The following MYO3B variants were observed in gnomAD, a reference collection of about 807,000 sequenced individuals.
MYO3B encodes myosin IIIB.
Under a neutral mutation model 174.6 loss-of-function variants are expected in MYO3B, and 156 were observed. The observed-to-expected ratio is 0.89, with a 90% confidence interval of 0.78 to 1.02. The LOEUF (loss-of-function observed/expected upper bound fraction) is 1.02, where lower values mean the gene tolerates loss of function less well. Among genes scored for constraint, MYO3B ranks in the 50% least tolerant of loss-of-function variants. MYO3B has a pLI of 0.00. For missense variants in MYO3B, 1,632 were observed against 1,639.4 expected, an observed-to-expected ratio of 1.00 and a Z score of 0.08; for synonymous variants, 563 against 569.1, an observed-to-expected ratio of 0.99 and a Z score of 0.15.
At chr2:170,300,661 T>C (rs556845428) in intron 7 of MYO3B, among the ~76,000 whole-genome samples, 1 of 152,314 alleles carries the variant, frequency 6.6e-6, no homozygotes, top group East Asian at 1.9e-4. Flanking sequence ...TCAAGCATTA[T>C]AGGAAACAAC....
At chr2:170,435,379 T>G (rs541543073) in intron 22 of MYO3B, among the ~76,000 whole-genome samples, 1 of 152,328 alleles carries the variant, frequency 6.6e-6, no homozygotes, top group Non-Finnish European at 1.5e-5. Context: ...AACTGTCAGG[T>G]TGATCCTTTC....
intron 7 of MYO3B, among the ~76,000 whole-genome samples, chr2:170,247,845 A>C (rs911551512): frequency 1.3e-5 from 2 of 152,136 alleles, no homozygotes; most frequent in African/African-American, 4.8e-5. Flanking sequence ...CAACAATCAC[A>C]CTGGTGATTA....
intron 7 of MYO3B, among the ~76,000 whole-genome samples, chr2:170,245,682 G>A (rs2093181746): frequency 6.6e-6 from 1 of 152,200 alleles, no homozygotes; most frequent in Admixed American, 6.5e-5. Flanking sequence ...CTTATGTAAA[G>A]TTTTCTTAAG....
chr2:170,506,442 G>A (rs10190605), intron 28 of MYO3B, among the ~76,000 whole-genome samples: 11,470 of 152,172 alleles, frequency 0.075, 1,153 homozygotes, highest in East Asian at 0.4. Context: ...ATTTGCCTAC[G>A]TGTGCAGGAC....
In MYO3B at chr2:170,519,463, G is replaced by A. The variant is rs192738295; in HGVS notation, c.3498G>A (p.Arg1166=). The change falls in exon 30 of 35, where the codon AGG becomes AGA. Residue 1166 remains arginine, a synonymous_variant. Coordinates refer to ENST00000408978, the MANE Select transcript of MYO3B (RefSeq NM_138995.5). ...TTCTCAGGGGCTCTGTACATCGTAG[G>A]AGCCATTCACAAGCAGAATCCAACA... ...HKVLRGSVHR[R]SHSQAESNNG... The A allele has an allele frequency of 2.3e-4, 364 of 1,613,752 alleles. No individual in the cohort carries two copies. In the African/African-American group the frequency reaches 4.2e-3, roughly 19 times the overall value.
intron 25 of MYO3B, among the ~76,000 whole-genome samples, chr2:170,496,041 G>C (rs1343595785): frequency 6.6e-6 from 1 of 152,172 alleles, no homozygotes; most frequent in East Asian, 1.9e-4. Context: ...CTTAGCTCCG[G>C]AAGATATCTG....
At chr2:170,227,388 G>C (rs1379165968) in intron 6 of MYO3B, among the ~76,000 whole-genome samples, 2 of 152,152 alleles carry the variant, frequency 1.3e-5, no homozygotes, top group Non-Finnish European at 2.9e-5. Flanking sequence ...GGTCTCAAGC[G>C]ATTCTTGTGC....
intron 7 of MYO3B, among the ~76,000 whole-genome samples, chr2:170,309,234 A>G (rs1439929494): frequency 1.3e-5 from 2 of 152,246 alleles, no homozygotes; most frequent in African/African-American, 2.4e-5. Context: ...CAGCCTCACA[A>G]TTTGAATTGG....
At chr2:170,549,934 G>A (rs1690772882) in intron 32 of MYO3B, among the ~76,000 whole-genome samples, 1 of 152,166 alleles carries the variant, frequency 6.6e-6, no homozygotes, top group African/African-American at 2.4e-5. Flanking sequence ...CATTTGATAG[G>A]GAAAGCATGT....
chr2:170,233,387 C>G (rs1376787032), intron 6 of MYO3B, among the ~76,000 whole-genome samples: 1 of 152,164 alleles, frequency 6.6e-6, no homozygotes, highest in Non-Finnish European at 1.5e-5. Context: ...TAACAGTGAA[C>G]TATTTGTTGA....
At chr2:170,453,409 T>TACACACACACACACACACACAC (rs35558091) in intron 23 of MYO3B, among the ~76,000 whole-genome samples, 124 of 131,282 alleles carry the variant, frequency 9.4e-4, no homozygotes, top group South Asian at 2.2e-3. Flanking sequence ...GTTTACCATT[T>TACACACACACACACACACACAC]ACACACACAC....
chr2:170,358,673 T>A (rs2094140151), intron 8 of MYO3B, among the ~76,000 whole-genome samples: 1 of 152,234 alleles, frequency 6.6e-6, no homozygotes, highest in Non-Finnish European at 1.5e-5. Flanking sequence ...TTTTCTTGCA[T>A]TTAAAATTTT....
Position 170,581,505 on chromosome 2 carries a change from C to T in MYO3B, c.3733+37517C>T, listed in dbSNP as rs184609795. On this transcript the variant is annotated intron_variant, in intron 32 of 34. Coordinates refer to ENST00000408978, the MANE Select transcript of MYO3B (RefSeq NM_138995.5). ...GTTTTATTAGTTTCTTTTTTAATGG[C>T]TTATGTGCCTTAAGAAGTCTTTCCT... Among the ~76,000 whole-genome samples, 77 of 152,012 alleles carry T rather than the reference C, an allele frequency of 5.1e-4. 1 individual carries two copies. Among genetic ancestry groups the T allele is most frequent in the Middle Eastern group, 3.4e-3 (1 of 294 alleles).
chr2:170,609,110 C>A (rs1694988182), intron 32 of MYO3B, among the ~76,000 whole-genome samples: 1 of 152,208 alleles, frequency 6.6e-6, no homozygotes, highest in African/African-American at 2.4e-5. Context: ...TTTCATGTTT[C>A]TTCTGATGTA....
At chr2:170,580,380 G>C (rs1358661399) in intron 32 of MYO3B, among the ~76,000 whole-genome samples, 1 of 152,222 alleles carries the variant, frequency 6.6e-6, no homozygotes, top group Admixed American at 6.5e-5. Flanking sequence ...GCTCATGCCT[G>C]TAATCCCAAC....
At chr2:170,650,689 T>C (rs868219444) in intron 32 of MYO3B, among the ~76,000 whole-genome samples, 1 of 138,394 alleles carries the variant, frequency 7.2e-6, no homozygotes, top group South Asian at 2.5e-4. Context: ...TTTTTTTTTT[T>C]TTTTTTTTTT....
intron 6 of MYO3B, among the ~76,000 whole-genome samples, chr2:170,227,803 A>G (rs1052161160): frequency 4.6e-5 from 7 of 152,130 alleles, no homozygotes; most frequent in African/African-American, 1.7e-4. Flanking sequence ...CATGAAGGAG[A>G]AAAACATTTT....
At chr2:170,568,974 G>A (rs1559123602) in intron 32 of MYO3B, among the ~76,000 whole-genome samples, 1 of 152,148 alleles carries the variant, frequency 6.6e-6, no homozygotes, top group African/African-American at 2.4e-5. Context: ...TTTCTGTTTT[G>A]TATCTAAAGA....
chr2:170,481,213 C>A (rs1277900435), intron 25 of MYO3B, among the ~76,000 whole-genome samples: 1 of 152,200 alleles, frequency 6.6e-6, no homozygotes, highest in African/African-American at 2.4e-5. Context: ...CCTGTAGCTA[C>A]ATAGATGAGA....
Sources: gnomAD v4.1 joint callset for allele counts (sites outside exome capture counted in the v4.1 genomes callset) on GRCh38, gnomAD v4.1.1 for gene constraint, MANE v1.5 for transcripts, NCBI Gene and HGNC (gene_info 2026-07-23, HGNC 2026-07-21) for gene names.